Variants in RCOR1 observed in about 807,000 individuals in gnomAD.
The protein encoded by RCOR1 is REST corepressor.
A neutral mutation model predicts 64.0 loss-of-function variants in RCOR1; 12 were observed. The observed-to-expected ratio is 0.19, with a 90% CI of 0.12 to 0.30. RCOR1 has a LOEUF of 0.30. RCOR1 is among the 10% of genes least tolerant of loss of function. RCOR1 has a pLI of 1.00. For missense variants in RCOR1, 502 were observed against 621.2 expected (o/e 0.81, Z 2.04); for synonymous variants, 279 against 227.2 (o/e 1.23, Z -2.05).
At chr14:102,642,769 G>A (rs1017651209) in intron 2 of RCOR1, among the ~76,000 whole-genome samples, 1 of 152,176 alleles carries the variant, frequency 6.6e-6, no homozygotes, top group Non-Finnish European at 1.5e-5. Flanking sequence ...CCAGGAAGTC[G>A]AGGCTGTGGT....
At chr14:102,691,515 C>T (rs185776487) in intron 3 of RCOR1, among the ~76,000 whole-genome samples, 5 of 152,264 alleles carry the variant, frequency 3.3e-5, no homozygotes, top group African/African-American at 7.2e-5. Context: ...GCAGCAGTAG[C>T]GATAGGGTAA....
At chr14:102,675,395 A>G (rs1895123773) in intron 2 of RCOR1, among the ~76,000 whole-genome samples, 1 of 152,194 alleles carries the variant, frequency 6.6e-6, no homozygotes, top group African/African-American at 2.4e-5. Flanking sequence ...AGACACACTG[A>G]GAGATCAACA....
At chr14:102,650,184 C>T (rs1393294742) in intron 2 of RCOR1, among the ~76,000 whole-genome samples, 4 of 132,684 alleles carry the variant, frequency 3.0e-5, no homozygotes, top group Admixed American at 8.3e-5. Flanking sequence ...GGCGACAGAG[C>T]GAGACTCCAC....
intron 2 of RCOR1, among the ~76,000 whole-genome samples, chr14:102,593,732 C>T (rs982474794): frequency 6.6e-6 from 1 of 152,184 alleles, no homozygotes; most frequent in African/African-American, 2.4e-5. Context: ...CCAGAGACCC[C>T]TTTCTCGGAA....
intron 8 of RCOR1, 107 bp downstream of exon 8, chr14:102,714,724 A>G: frequency 1.1e-6 from 1 of 888,390 alleles, no homozygotes; most frequent in Admixed American, 2.9e-5. Context: ...TCAAAGGAGC[A>G]TTTTGTTTCG....
rs1190059311 is a variant in RCOR1 at position 102,724,314 on chromosome 14, C to G, written c.1419+1898C>G. On this transcript the variant is annotated intron_variant, in intron 11 of 11. Transcript: ENST00000262241. ...CTCCGCTAGTCATTTAAAATGTACC[C>G]CCTCATACCTTTCTTTTCTTTTTTT... Among the ~76,000 whole-genome samples the G allele has an allele frequency of 2.6e-5, 4 of 151,996 alleles. No homozygotes were observed. In the East Asian group the frequency reaches 7.7e-4, roughly 29 times the overall value.
At chr14:102,612,303 T>A (rs984820850) in intron 2 of RCOR1, among the ~76,000 whole-genome samples, 13 of 152,208 alleles carry the variant, frequency 8.5e-5, no homozygotes, top group Admixed American at 8.5e-4. Context: ...GTGCTAGGAT[T>A]GCAGGCATGA....
chr14:102,717,871 G>T (rs917101898), intron 8 of RCOR1, among the ~76,000 whole-genome samples: 1 of 152,072 alleles, frequency 6.6e-6, no homozygotes, highest in African/African-American at 2.4e-5. Context: ...ACTCAGAGAG[G>T]AGGTGGGTGA....
At chr14:102,701,674 C>T (rs755030961) in intron 4 of RCOR1, among the ~76,000 whole-genome samples, 20 of 152,140 alleles carry the variant, frequency 1.3e-4, no homozygotes, top group African/African-American at 2.4e-4. Context: ...TGTTTTTTGA[C>T]GCATGTTTTC....
intron 2 of RCOR1, chr14:102,656,193 G>T (rs1894720497): frequency 3.6e-6 from 3 of 841,648 alleles, no homozygotes; most frequent in Non-Finnish European, 4.3e-6. Context: ...AGACTGGAGT[G>T]CAGTGGTGTG....
At chr14:102,660,072 T>C (rs1205931419) in intron 2 of RCOR1, among the ~76,000 whole-genome samples, 1 of 152,198 alleles carries the variant, frequency 6.6e-6, no homozygotes, top group Admixed American at 6.5e-5. Context: ...GTAGAGATTA[T>C]CTTTAACCAT....
At chr14:102,657,527 T>C (rs933941025) in intron 2 of RCOR1, 6 of 983,664 alleles carry the variant, frequency 6.1e-6, no homozygotes, top group Non-Finnish European at 7.2e-6. Flanking sequence ...TCATTTTACA[T>C]GTTTACTCTC....
chr14:102,677,241 GC>G (rs1895196747), intron 2 of RCOR1, among the ~76,000 whole-genome samples: 1 of 128,836 alleles, frequency 7.8e-6, no homozygotes, highest in African/African-American at 3.2e-5. Context: ...GGACGGGGTG[GC>G]TGGCCGGGCA....
intron 2 of RCOR1, chr14:102,650,884 A>T: frequency 2.0e-6 from 1 of 511,814 alleles, no homozygotes; most frequent in Non-Finnish European, 2.5e-6. Context: ...TAGAGCACTT[A>T]CTCTTAGATG....
rs1039360048 is a variant in RCOR1, at chr14:102,597,100, T to G, written c.361+3775T>G. Among the ~76,000 whole-genome samples, 5 of 151,960 alleles carry G rather than the reference T, an allele frequency of 3.3e-5. No individual in the cohort carries two copies. In the East Asian group the frequency reaches 7.7e-4, roughly 23 times the overall value. On this transcript the variant is annotated intron_variant, in intron 2 of 11. Coordinates refer to ENST00000262241, the MANE Select transcript of RCOR1 (RefSeq NM_015156.4). ...ATTGGCCAGGCTGGTCTTGAACTCC[T>G]GACCTCAGGTGATCTGCCCCCCTCG...
In RCOR1 at chr14:102,708,595, G is replaced by T. The variant is rs543419121; in HGVS notation, c.779+12G>T. 9.4e-5 allele frequency: 139 copies of T among 1,480,252 alleles called. 3 individuals carry two copies. In the South Asian group the frequency reaches 1.3e-3, roughly 14 times the overall value. 91.7% of individuals were successfully genotyped at this position (1,480,252 alleles called of 1,614,324 possible). A position where few individuals can be genotyped will look rare whatever the true frequency, so the allele number is the denominator to read the frequency against. ...GAGCGGGAGGAGAGGTGAGCACATG[G>T]CTGGGGTGTTGTCTAACCACTTAGG... On this transcript the variant is annotated intron_variant, in intron 6 of 11. Coordinates refer to ENST00000262241, the MANE Select transcript of RCOR1 (RefSeq NM_015156.4).
At chr14:102,678,083 A>G (rs1308186660) in intron 2 of RCOR1, among the ~76,000 whole-genome samples, 32 of 150,728 alleles carry the variant, frequency 2.1e-4, no homozygotes, top group African/African-American at 3.7e-4. Flanking sequence ...CGCGCCTGCA[A>G]TCGCAGGCAC....
At chr14:102,657,196 A>G in intron 2 of RCOR1, 9 of 985,254 alleles carry the variant, frequency 9.1e-6, no homozygotes, top group Non-Finnish European at 1.1e-5. Context: ...ATCTTTGCAA[A>G]GTGTTGTGCC....
chr14:102,618,645 G>T (rs1300031117), intron 2 of RCOR1, among the ~76,000 whole-genome samples: 1 of 152,180 alleles, frequency 6.6e-6, no homozygotes, highest in Non-Finnish European at 1.5e-5. Context: ...TCTGGCTGAA[G>T]TTTAGTAATT....
Sources: gnomAD v4.1 joint callset for allele counts (sites outside exome capture counted in the v4.1 genomes callset) on GRCh38, gnomAD v4.1.1 for gene constraint, MANE v1.5 for transcripts, NCBI Gene and HGNC (gene_info 2026-07-23, HGNC 2026-07-21) for gene names.